The following HPSE2 variants were observed in gnomAD, a reference collection of about 807,000 sequenced individuals.
HPSE2 encodes heparanase 2 (inactive).
A neutral mutation model predicts 60.5 loss-of-function variants in HPSE2; 38 were observed. The ratio of observed to expected loss-of-function variants is 0.63; its 90% CI spans 0.48 to 0.82. The LOEUF (loss-of-function observed/expected upper bound fraction) is 0.82. Ranked by LOEUF, HPSE2 falls within the 40% of genes least tolerant of loss-of-function variation. The pLI is 0.00. For synonymous variants in HPSE2, 295 were observed against 293.2 expected (o/e 1.01, Z -0.06); for missense variants, 713 against 740.4 (o/e 0.96, Z 0.43).
chr10:98,589,216 A>G (rs1483135537), intron 9 of HPSE2, among the ~76,000 whole-genome samples: 2 of 152,200 alleles, frequency 1.3e-5, no homozygotes, highest in African/African-American at 4.8e-5. Flanking sequence ...GCATTGTATA[A>G]TCACAGCTGT....
chr10:99,082,553 C>A (rs144584239), intron 3 of HPSE2, among the ~76,000 whole-genome samples: 17 of 152,282 alleles, frequency 1.1e-4, no homozygotes, highest in African/African-American at 2.6e-4. Flanking sequence ...ACCTTATATA[C>A]CCAGCCTCAG....
chr10:98,851,049 A>G (rs1445065908), intron 3 of HPSE2, among the ~76,000 whole-genome samples: 1 of 152,252 alleles, frequency 6.6e-6, no homozygotes, highest in Non-Finnish European at 1.5e-5. Context: ...GAGTGAAACT[A>G]AACATCTGAA....
intron 4 of HPSE2, among the ~76,000 whole-genome samples, chr10:98,742,756 G>T (rs1002477443): frequency 4.1e-5 from 6 of 145,032 alleles, no homozygotes; most frequent in Non-Finnish European, 1.5e-5. Context: ...TGGAATGAAT[G>T]ATAACTTATG....
intron 3 of HPSE2, among the ~76,000 whole-genome samples, chr10:98,916,649 CT>C (rs1954126709): frequency 6.6e-6 from 1 of 152,198 alleles, no homozygotes; most frequent in Non-Finnish European, 1.5e-5. Context: ...GTTTCTGGTT[CT>C]GCTTACCATC....
chr10:98,983,104 C>A (rs2135306369), intron 3 of HPSE2, among the ~76,000 whole-genome samples: 1 of 152,312 alleles, frequency 6.6e-6, no homozygotes, highest in East Asian at 1.9e-4. Context: ...GGACCAGTTT[C>A]ATGGAAGACA....
intron 3 of HPSE2, among the ~76,000 whole-genome samples, chr10:98,792,656 A>C (rs891709817): frequency 7.0e-5 from 10 of 143,026 alleles, no homozygotes; most frequent in Admixed American, 3.5e-4. Flanking sequence ...AAAAAAAAAA[A>C]CACGAAGAAT....
intron 3 of HPSE2, among the ~76,000 whole-genome samples, chr10:99,027,472 G>C (rs1957403178): frequency 6.6e-6 from 1 of 152,058 alleles, no homozygotes; most frequent in Admixed American, 6.6e-5. Context: ...GTAATAAAAA[G>C]TTTCCCACTA....
At chr10:98,584,740 A>G (rs1003791809) in intron 9 of HPSE2, among the ~76,000 whole-genome samples, 3 of 152,206 alleles carry the variant, frequency 2.0e-5, no homozygotes, top group Non-Finnish European at 4.4e-5. Flanking sequence ...GTCTGTTTAG[A>G]TAGTGTTTTC....
chr10:98,739,162 G>A (rs1949432777), intron 4 of HPSE2, among the ~76,000 whole-genome samples: 1 of 152,168 alleles, frequency 6.6e-6, no homozygotes, highest in African/African-American at 2.4e-5. Context: ...ATGAGTTCAT[G>A]TCCTTTGCAG....
the HPSE2 span, among the ~76,000 whole-genome samples, chr10:99,259,580 A>T: frequency 6.6e-6 from 1 of 152,194 alleles, no homozygotes. Flanking sequence ...TAAAGCCACA[A>T]TGAAATGTGG....
intron 3 of HPSE2, among the ~76,000 whole-genome samples, chr10:98,839,656 G>A (rs1373658004): frequency 5.3e-5 from 8 of 152,162 alleles, no homozygotes. Context: ...GTGTTCAAAT[G>A]ATTATAAAGG....
At chr10:98,649,520 T>C (rs1002761958) in intron 6 of HPSE2, among the ~76,000 whole-genome samples, 2 of 152,182 alleles carry the variant, frequency 1.3e-5, no homozygotes, top group African/African-American at 4.8e-5. Flanking sequence ...CTTATTTCAT[T>C]GGTCCTGTAA....
intron 9 of HPSE2, among the ~76,000 whole-genome samples, chr10:98,503,618 T>C (rs1303021321): frequency 1.3e-5 from 2 of 152,150 alleles, no homozygotes; most frequent in Non-Finnish European, 2.9e-5. Flanking sequence ...CCAACCCAAA[T>C]GCCCACCAAT....
rs766511102 is a variant in HPSE2 at position 98,721,808 on chromosome 10, T to C, written c.805A>G (p.Met269Val). The C allele has an allele frequency of 1.2e-6, 2 of 1,613,582 alleles. No individual in the cohort carries two copies. The highest frequency in any genetic ancestry group is 1.7e-6 in the Non-Finnish European group (2 of 1,179,796). The change falls in exon 5 of 12, where the codon ATG becomes GTG. Residue 269 changes from methionine to valine, a missense_variant. By Grantham distance (21) the Met-to-Val change is conservative (BLOSUM62 1). Transcript: ENST00000370552. ...CTGCCATTTACTGCCCGGCCATGCA[T>C]GGTCCGATAGTTATTTGGCTCTAGA... ...LGNEPNNYRTMHGRAVNGSQL... is the reference protein window; with the variant it reads ...LGNEPNNYRTVHGRAVNGSQL...
At chr10:98,503,196 C>T (rs7100305) in intron 9 of HPSE2, among the ~76,000 whole-genome samples, 2 of 123,394 alleles carry the variant, frequency 1.6e-5, no homozygotes, top group African/African-American at 5.9e-5. Context: ...TGGGTGACAA[C>T]AGCAAGACTC....
intron 2 of HPSE2, among the ~76,000 whole-genome samples, chr10:99,200,036 T>A (rs956212017): frequency 6.6e-6 from 1 of 152,180 alleles, no homozygotes; most frequent in Non-Finnish European, 1.5e-5. Flanking sequence ...CCCTCTTTGA[T>A]GCTATTGTAA....
At chr10:99,124,774 C>T (rs1477581691) in intron 3 of HPSE2, among the ~76,000 whole-genome samples, 4 of 152,244 alleles carry the variant, frequency 2.6e-5, no homozygotes, top group Non-Finnish European at 2.9e-5. Flanking sequence ...GTGCAGAGAT[C>T]CCTGGGTCCG....
At chr10:98,990,947 A>T (rs1486559402) in intron 3 of HPSE2, among the ~76,000 whole-genome samples, 1 of 152,080 alleles carries the variant, frequency 6.6e-6, no homozygotes, top group Non-Finnish European at 1.5e-5. Context: ...TTATCCATCC[A>T]TTTCCCAAAT....
At chr10:98,804,894 C>T (rs898774689) in intron 3 of HPSE2, among the ~76,000 whole-genome samples, 3 of 151,972 alleles carry the variant, frequency 2.0e-5, no homozygotes, top group Admixed American at 2.0e-4. Context: ...GTGTCCATAA[C>T]ATATAAATAA....
Sources: allele counts gnomAD v4.1 joint callset (sites outside exome capture counted in the v4.1 genomes callset), GRCh38; gene constraint gnomAD v4.1.1; transcripts MANE v1.5; gene names NCBI Gene and HGNC (gene_info 2026-07-23, HGNC 2026-07-21).